Variants in ZNF678 observed in about 807,000 individuals in gnomAD.
ZNF678 encodes zinc finger protein 678, also known as hypothetical protein MGC42493.
A neutral mutation model predicts 3.0 loss-of-function variants in ZNF678; 5 were observed. That is an observed-to-expected ratio of 1.69 (90% confidence interval 0.88 to 3.56). ZNF678 has a LOEUF of 3.56. Among genes scored for constraint, ZNF678 ranks in the 30% most tolerant of loss-of-function variants. The pLI is 0.00. For synonymous variants in ZNF678, 218 were observed against 199.6 expected, an observed-to-expected ratio of 1.09 and a Z score of -0.78; for missense variants, 593 against 605.0, an observed-to-expected ratio of 0.98 and a Z score of 0.21.
At chr1:227,592,236 G>A (rs750444851) in intron 1 of ZNF678, among the ~76,000 whole-genome samples, 6 of 152,244 alleles carry the variant, frequency 3.9e-5, no homozygotes, top group Non-Finnish European at 7.3e-5. Flanking sequence ...AGTTAGTCTA[G>A]CATTTGTCAG....
intron 1 of ZNF678, among the ~76,000 whole-genome samples, chr1:227,597,440 T>C (rs1166911217): frequency 1.3e-5 from 2 of 152,260 alleles, no homozygotes; most frequent in Non-Finnish European, 2.9e-5. Flanking sequence ...TTGGGGGTCC[T>C]ATTCCCAACA....
intron 1 of ZNF678, among the ~76,000 whole-genome samples, chr1:227,594,840 C>T (rs907856657): frequency 2.0e-5 from 3 of 152,048 alleles, no homozygotes; most frequent in Non-Finnish European, 4.4e-5. Flanking sequence ...ACATAAATTC[C>T]GCCCCCCCCT....
At chr1:227,594,326 G>T (rs1244657849) in intron 1 of ZNF678, among the ~76,000 whole-genome samples, 2 of 152,140 alleles carry the variant, frequency 1.3e-5, no homozygotes, top group Non-Finnish European at 2.9e-5. Context: ...AATAAAACCT[G>T]ATAGACGTAT....
In ZNF678 at chr1:227,660,866, G is replaced by A. The variant is rs575318208; in HGVS notation, c.*5038G>A. On this transcript the variant is annotated 3_prime_UTR_variant, in exon 4 of 4. Transcript: ENST00000343776. The stretch of plus-strand genomic sequence containing the variant: ...TCATATATGGCCTTTATTGGCTTGA[G>A]GTATGTATGTTCTATATGTAATTTG... 1 of 152,192 alleles carries A rather than the reference G, an allele frequency of 6.6e-6. No homozygotes were observed. Among genetic ancestry groups the A allele is most frequent in the South Asian group, 2.1e-4 (1 of 4,812 alleles). 9.4% of individuals were successfully genotyped at this position (152,192 alleles called of 1,614,324 possible). A position where few individuals can be genotyped will look rare whatever the true frequency, so the allele number is the denominator to read the frequency against.
At chr1:227,629,892 T>G (rs10916178) in intron 1 of ZNF678, among the ~76,000 whole-genome samples, 33,285 of 152,008 alleles carry the variant, frequency 0.22, 4,036 homozygotes, top group East Asian at 0.44. Context: ...CCTTTCCCTT[T>G]TCCAGAGCCA....
chr1:227,570,486 CT>C (rs895041891), intron 1 of ZNF678, among the ~76,000 whole-genome samples: 1 of 152,138 alleles, frequency 6.6e-6, no homozygotes, highest in Non-Finnish European at 1.5e-5. Flanking sequence ...TCTTCTTGAT[CT>C]TGGGTTTTAG....
intron 5 of ZNF678, among the ~76,000 whole-genome samples, chr1:227,676,357 T>G (rs1026891582): frequency 2.0e-5 from 3 of 152,110 alleles, no homozygotes; most frequent in Admixed American, 6.5e-5. Context: ...GCTCATGATT[T>G]CAAATCCCAG....
intron 5 of ZNF678, among the ~76,000 whole-genome samples, chr1:227,671,013 C>A (rs1659591529): frequency 6.9e-6 from 1 of 144,944 alleles, no homozygotes; most frequent in Non-Finnish European, 1.5e-5. Context: ...GTAGATGTCT[C>A]AGGTTTACTG....
chr1:227,613,172 A>G (rs989703910), intron 1 of ZNF678, among the ~76,000 whole-genome samples: 1 of 152,146 alleles, frequency 6.6e-6, no homozygotes, highest in African/African-American at 2.4e-5. Context: ...GCTCATATTT[A>G]CAGCTACTCA....
chr1:227,673,187 A>G (rs1182600182), intron 5 of ZNF678, among the ~76,000 whole-genome samples: 3 of 152,148 alleles, frequency 2.0e-5, no homozygotes, highest in African/African-American at 7.2e-5. Context: ...TGATGGAAGC[A>G]TCTTGCATCC....
chr1:227,628,979 G>GGTATTTGGA (rs1455620032), intron 1 of ZNF678, among the ~76,000 whole-genome samples: 4 of 152,166 alleles, frequency 2.6e-5, no homozygotes, highest in Admixed American at 6.5e-5. Flanking sequence ...TGCTTCCTTT[G>GGTATTTGGA]GTATTTGGAA....
intron 1 of ZNF678, among the ~76,000 whole-genome samples, chr1:227,599,517 A>G (rs1013270593): frequency 6.6e-6 from 1 of 152,170 alleles, no homozygotes; most frequent in Non-Finnish European, 1.5e-5. Context: ...GAGGCACTTT[A>G]GTGTATTTAT....
intron 5 of ZNF678, among the ~76,000 whole-genome samples, chr1:227,668,626 G>A (rs775938808): frequency 3.9e-5 from 6 of 152,304 alleles, no homozygotes; most frequent in Non-Finnish European, 8.8e-5. Context: ...GTAAGCCACT[G>A]GGGTCTACAA....
intron 2 of ZNF678, 75 bp downstream of exon 2, chr1:227,646,745 C>G: frequency 7.9e-7 from 1 of 1,261,500 alleles, no homozygotes; most frequent in Admixed American, 2.6e-5. Context: ...GAAATGTTAC[C>G]TGAGAGTTTG....
chr1:227,636,014 A>G (rs1658669533), intron 1 of ZNF678, among the ~76,000 whole-genome samples: 1 of 152,158 alleles, frequency 6.6e-6, no homozygotes, highest in African/African-American at 2.4e-5. Flanking sequence ...GGGTATTCTT[A>G]AGAGACGGGA....
At chr1:227,626,737 C>T (rs1471125935) in intron 1 of ZNF678, among the ~76,000 whole-genome samples, 1 of 152,032 alleles carries the variant, frequency 6.6e-6, no homozygotes, top group Non-Finnish European at 1.5e-5. Context: ...TTGAGCGTTT[C>T]ATTCATTTTC....
In ZNF678 at chr1:227,622,933, A is replaced by ATTT. The variant is rs1571893852; in HGVS notation, c.-163-23610_-163-23609insTTT. Among the ~76,000 whole-genome samples, 8 of 152,292 alleles carry ATTT rather than the reference A, an allele frequency of 5.3e-5. No individual in the cohort carries two copies. In the East Asian group the frequency reaches 1.4e-3, roughly 26 times the overall value. ...GATCAATACATGCTTCTTACTATTA[A>ATTT]TATAATCACATTCTTGCAATGAGGG... On this transcript the variant is annotated intron_variant, in intron 1 of 3. Transcript: ENST00000343776.
intron 1 of ZNF678, among the ~76,000 whole-genome samples, chr1:227,581,043 A>G (rs775108755): frequency 8.3e-4 from 126 of 152,278 alleles, no homozygotes; most frequent in Non-Finnish European, 1.6e-3. Flanking sequence ...TAATTTTCAA[A>G]GTCTTCAATA....
At chr1:227,632,484 C>T (rs182765485) in intron 1 of ZNF678, among the ~76,000 whole-genome samples, 80 of 152,198 alleles carry the variant, frequency 5.3e-4, no homozygotes, top group African/African-American at 1.8e-3. Context: ...TGATCTCGAC[C>T]GGCCAATGCT....
Sources: gnomAD v4.1 joint callset for allele counts (sites outside exome capture counted in the v4.1 genomes callset) on GRCh38, gnomAD v4.1.1 for gene constraint, MANE v1.5 for transcripts, NCBI Gene and HGNC (gene_info 2026-07-23, HGNC 2026-07-21) for gene names.